PDE4D: variants seen among roughly 807,000 people sequenced by gnomAD.
PDE4D encodes the protein phosphodiesterase 4D, also known as 3',5'-cyclic-AMP phosphodiesterase 4D.
A neutral mutation model predicts 87.4 loss-of-function variants in PDE4D; 24 were observed. That is an observed-to-expected ratio of 0.27 (90% CI 0.20 to 0.39). The LOEUF (loss-of-function observed/expected upper bound fraction) is 0.39. Ranked by LOEUF, PDE4D falls within the 10% of genes least tolerant of loss-of-function variation. PDE4D has a pLI of 1.00. For synonymous variants in PDE4D, 384 were observed against 383.2 expected, an observed-to-expected ratio of 1.00 and a Z score of -0.02; for missense variants, 714 against 1,041.0, an observed-to-expected ratio of 0.69 and a Z score of 4.32.
chr5:60,430,544 TGTTTG>T (rs1744144785), intron 1 of PDE4D, among the ~76,000 whole-genome samples: 1 of 117,684 alleles, frequency 8.5e-6, no homozygotes, highest in African/African-American at 4.2e-5. Flanking sequence ...TGTTTTTTTT[TGTTTG>T]TTTTTTTTTT....
In PDE4D at chr5:60,088,774, C is replaced by T. The variant is rs144788536; in HGVS notation, c.42+96783G>A. Among the ~76,000 whole-genome samples, 744 of 151,802 alleles carry T rather than the reference C, an allele frequency of 4.9e-3. 3 individuals carry two copies. Among genetic ancestry groups the T allele is most frequent in the Non-Finnish European group, 8.2e-3 (559 of 67,788 alleles). ...GAAAGAAATGATTCTACAAAACAAC[C>T]AGAAAACAAGTAACAAGATAGCAAT... is the stretch of plus-strand genomic sequence containing the variant. On this transcript the variant is annotated intron_variant, in intron 2 of 16. Coordinates refer to the PDE4D transcript ENST00000502484.
At chr5:59,469,921 G>A (rs1420841852) in intron 1 of PDE4D, among the ~76,000 whole-genome samples, 1 of 152,126 alleles carries the variant, frequency 6.6e-6, no homozygotes, top group African/African-American at 2.4e-5. Context: ...AAACCAAGAA[G>A]CACAAAAAGG....
chr5:59,635,614 C>T lies in PDE4D; in HGVS notation c.455+257554G>A, dbSNP rs188864444. Among the ~76,000 whole-genome samples the T allele has an allele frequency of 1.1e-4, 16 of 152,284 alleles. No individual in the cohort carries two copies. The East Asian group carries it at 2.1e-3, about 20-fold the overall frequency. On this transcript the variant is annotated intron_variant, in intron 1 of 14. Transcript: ENST00000340635. Reference sequence around the variant, plus strand: ...GCAAATCAATAAACATAACCCATCACATAAATGAAACCAATGACAAAAACC... The same window carrying T: ...GCAAATCAATAAACATAACCCATCATATAAATGAAACCAATGACAAAAACC...
chr5:59,054,373 AGTAAGAGGTGCTCACTT>A (rs1350834926), intron 5 of PDE4D, among the ~76,000 whole-genome samples: 3 of 152,200 alleles, frequency 2.0e-5, no homozygotes, highest in Non-Finnish European at 4.4e-5. Context: ...ATTTGTTTAA[AGTAAGAGGTGCTCACTT>A]TTGAAGGCAT....
At chr5:60,515,698 G>A (rs1750775594) in intron 1 of PDE4D, among the ~76,000 whole-genome samples, 1 of 148,318 alleles carries the variant, frequency 6.7e-6, no homozygotes, top group African/African-American at 2.5e-5. Context: ...CGGATGATAT[G>A]TGGATAGTGC....
chr5:59,401,715 G>T (rs2153614426), intron 1 of PDE4D, among the ~76,000 whole-genome samples: 1 of 152,290 alleles, frequency 6.6e-6, no homozygotes, highest in Middle Eastern at 3.4e-3. Context: ...GCAGCAATTG[G>T]TTTTCTCAAT....
intron 1 of PDE4D, chr5:59,768,706 C>T: frequency 1.5e-6 from 2 of 1,322,914 alleles, no homozygotes; most frequent in Non-Finnish European, 2.0e-6. Context: ...GCGTATTAAA[C>T]GTCACCCCTC....
intron 5 of PDE4D, among the ~76,000 whole-genome samples, chr5:59,045,015 G>C (rs1760375078): frequency 6.6e-6 from 1 of 152,180 alleles, no homozygotes; most frequent in African/African-American, 2.4e-5. Context: ...GCAGAAACAA[G>C]ATGATGAAAA....
intron 1 of PDE4D, among the ~76,000 whole-genome samples, chr5:60,455,729 G>A (rs894567570): frequency 1.3e-5 from 2 of 152,056 alleles, no homozygotes; most frequent in African/African-American, 4.8e-5. Context: ...AATGTCTCTG[G>A]AGAACAGTCA....
At chr5:59,867,546 T>C (rs1242849381) in intron 1 of PDE4D, among the ~76,000 whole-genome samples, 1 of 152,164 alleles carries the variant, frequency 6.6e-6, no homozygotes, top group African/African-American at 2.4e-5. Context: ...TTAAAAAATA[T>C]GTATTTCCTT....
chr5:60,332,583 T>C (rs1311503413), intron 1 of PDE4D, among the ~76,000 whole-genome samples: 2 of 152,202 alleles, frequency 1.3e-5, no homozygotes, highest in Admixed American at 6.5e-5. Flanking sequence ...ATGGAAGTTA[T>C]AAAATTACAA....
At chr5:59,412,946 T>G (rs1792945885) in intron 1 of PDE4D, among the ~76,000 whole-genome samples, 1 of 152,172 alleles carries the variant, frequency 6.6e-6, no homozygotes, top group African/African-American at 2.4e-5. Flanking sequence ...GCTGGTACTA[T>G]ATTATGGTAG....
chr5:59,812,332 A>G (rs1304301969), intron 1 of PDE4D, among the ~76,000 whole-genome samples: 1 of 152,218 alleles, frequency 6.6e-6, no homozygotes, highest in Non-Finnish European at 1.5e-5. Flanking sequence ...AGCCCTGTTT[A>G]TAAATTCACA....
At chr5:59,181,646 C>T (rs1317074448) in intron 4 of PDE4D, among the ~76,000 whole-genome samples, 1 of 149,712 alleles carries the variant, frequency 6.7e-6, no homozygotes, top group Non-Finnish European at 1.5e-5. Context: ...GTGGATCAGA[C>T]ATTGCTAAAT....
chr5:58,995,665 T>C (rs1057012070), intron 6 of PDE4D, among the ~76,000 whole-genome samples: 2 of 152,166 alleles, frequency 1.3e-5, no homozygotes, highest in African/African-American at 4.8e-5. Flanking sequence ...CCTTTTAAAG[T>C]AATAGCTGAT....
chr5:59,444,542 G>A (rs942093428), intron 1 of PDE4D, among the ~76,000 whole-genome samples: 2 of 152,294 alleles, frequency 1.3e-5, no homozygotes, highest in East Asian at 3.9e-4. Context: ...GTCGGGCGCG[G>A]TGGCTCACGC....
At chr5:59,013,140 A>G (rs1224316332) in intron 6 of PDE4D, among the ~76,000 whole-genome samples, 4 of 152,230 alleles carry the variant, frequency 2.6e-5, no homozygotes, top group African/African-American at 9.6e-5. Context: ...TCTGTGACAC[A>G]TTTAAAGCAG....
chr5:59,077,405 T>C (rs894916101), intron 5 of PDE4D, among the ~76,000 whole-genome samples: 3 of 152,098 alleles, frequency 2.0e-5, no homozygotes, highest in African/African-American at 7.2e-5. Context: ...GTAAAAGAGA[T>C]TTGCAAGCGG....
chr5:59,468,587 T>C (rs950584417), intron 1 of PDE4D, among the ~76,000 whole-genome samples: 2 of 152,208 alleles, frequency 1.3e-5, no homozygotes, highest in African/African-American at 2.4e-5. Context: ...GGAATGACTG[T>C]AGAAGTTGCA....
Sources: allele counts gnomAD v4.1 joint callset (sites outside exome capture counted in the v4.1 genomes callset), GRCh38; gene constraint gnomAD v4.1.1; transcripts MANE v1.5; gene names NCBI Gene and HGNC (gene_info 2026-07-23, HGNC 2026-07-21).